ETV6: variants seen among roughly 807,000 people sequenced by gnomAD.
ETV6 encodes the protein transcription factor ETV6.
Under a neutral mutation model 51.1 loss-of-function variants are expected in ETV6, and 16 were observed. That is an observed-to-expected ratio of 0.31 (90% confidence interval 0.21 to 0.48). The LOEUF (loss-of-function observed/expected upper bound fraction) is 0.48. Among genes scored for constraint, ETV6 ranks in the 20% least tolerant of loss-of-function variants. The pLI is 0.99. For missense variants in ETV6, 458 were observed against 594.8 expected (o/e 0.77, Z 2.39); for synonymous variants, 240 against 224.1 (o/e 1.07, Z -0.64).
In ETV6 at chr12:11,744,145, G is replaced by C. The variant is rs546323780; in HGVS notation, c.34-8305G>C. ...CGTGGCAATAGTACATGCCTGGAAG[G>C]TATCTCTCATTTGGGGGGAGATTGA... On this transcript the variant is annotated intron_variant, in intron 1 of 7. Transcript: ENST00000396373. Among the ~76,000 whole-genome samples the C allele has an allele frequency of 3.3e-5, 5 of 152,282 alleles. No individual in the cohort carries two copies. In the South Asian group the frequency reaches 1.0e-3, roughly 32 times the overall value.
chr12:11,672,144 C>A (rs1278647365), intron 1 of ETV6, among the ~76,000 whole-genome samples: 1 of 151,956 alleles, frequency 6.6e-6, no homozygotes, highest in Non-Finnish European at 1.5e-5. Flanking sequence ...ACTTCTGGAC[C>A]CTTGACTACC....
intron 2 of ETV6, among the ~76,000 whole-genome samples, chr12:11,795,781 G>C (rs1345013000): frequency 6.6e-6 from 1 of 152,176 alleles, no homozygotes; most frequent in Non-Finnish European, 1.5e-5. Context: ...TGAGCAACTT[G>C]GAAGGTTGCC....
In ETV6 at chr12:11,886,012, A is replaced by G. The variant is rs1293209607; in HGVS notation, c.1239A>G (p.Gln413=). The G allele has an allele frequency of 8.7e-6, 14 of 1,613,138 alleles. No homozygotes were observed. Among genetic ancestry groups the G allele is most frequent in the Non-Finnish European group, 1.2e-5 (14 of 1,179,150 alleles). ...KLNIIRKEPG[Q]RLLFRFMKTP... is the part of the protein sequence containing the mutation. Reference sequence around the variant, plus strand: ...ACATTATCAGGAAGGAGCCAGGACAAAGGCTTTTGTTCAGGTAGCACTTCC... The same window carrying G: ...ACATTATCAGGAAGGAGCCAGGACAGAGGCTTTTGTTCAGGTAGCACTTCC... Residue 413 remains glutamine (Q), a synonymous_variant, in exon 7 of 8, where the codon CAA becomes CAG. Coordinates refer to ENST00000396373, the MANE Select transcript of ETV6 (RefSeq NM_001987.5).
At chr12:11,711,200 TC>T (rs1485153557) in intron 1 of ETV6, among the ~76,000 whole-genome samples, 7 of 152,246 alleles carry the variant, frequency 4.6e-5, no homozygotes, top group African/African-American at 1.7e-4. Flanking sequence ...GTTTTGCCTC[TC>T]CTTTCTCGTT....
At chr12:11,875,485 C>G (rs1201870837) in intron 5 of ETV6, among the ~76,000 whole-genome samples, 1 of 152,244 alleles carries the variant, frequency 6.6e-6, no homozygotes, top group Non-Finnish European at 1.5e-5. Flanking sequence ...AAAAGTTTTA[C>G]TGGCTTGTGT....
At chr12:11,761,680 C>T (rs1337285822) in intron 2 of ETV6, among the ~76,000 whole-genome samples, 2 of 152,198 alleles carry the variant, frequency 1.3e-5, no homozygotes, top group Non-Finnish European at 2.9e-5. Context: ...GGGCAGAGAA[C>T]ATGCTCTTGT....
Position 11,869,351 on chromosome 12 carries a change from TG to T in ETV6, c.464-72del. 1 of 1,410,138 alleles carries T rather than the reference TG, an allele frequency of 7.1e-7. No homozygotes were observed. The highest frequency in any genetic ancestry group is 9.7e-7 in the Non-Finnish European group (1 of 1,028,710). 87.4% of individuals were successfully genotyped at this position (1,410,138 alleles called of 1,614,324 possible). On this transcript the variant is annotated intron_variant, in intron 4 of 7. Coordinates refer to ENST00000396373, the MANE Select transcript of ETV6 (RefSeq NM_001987.5). This position sits in a 1 kb window ranked among gnomAD's most constrained non-coding sequence, Gnocchi z 5.0. ...CCTACACGCTCCTCCATTTACCGCCTGTAGAGCCGCAGGGAGTTTCCTGTCC... is the reference window on the plus strand; with the variant it reads ...CCTACACGCTCCTCCATTTACCGCCTTAGAGCCGCAGGGAGTTTCCTGTCC...
intron 1 of ETV6, among the ~76,000 whole-genome samples, chr12:11,730,218 G>A (rs1377915983): frequency 6.6e-6 from 1 of 152,214 alleles, no homozygotes; most frequent in Non-Finnish European, 1.5e-5. Flanking sequence ...CCAGCAGCAG[G>A]CCTTCAGCAA....
chr12:11,836,296 C>T (rs963187725), intron 2 of ETV6, among the ~76,000 whole-genome samples: 4 of 152,328 alleles, frequency 2.6e-5, no homozygotes, highest in African/African-American at 7.2e-5. Context: ...GCTCGGTGAA[C>T]GTGTCCACCT....
intron 3 of ETV6, among the ~76,000 whole-genome samples, chr12:11,852,764 G>C (rs1222676641): frequency 5.5e-4 from 83 of 152,124 alleles, no homozygotes; most frequent in Non-Finnish European, 1.2e-4. Flanking sequence ...AGGGAAAAGA[G>C]GATACTCAAC....
chr12:11,688,236 A>C (rs1295815914), intron 1 of ETV6, among the ~76,000 whole-genome samples: 1 of 152,206 alleles, frequency 6.6e-6, no homozygotes, highest in African/African-American at 2.4e-5. Context: ...TGGTGTATAC[A>C]GGAAAAGAGT....
intron 1 of ETV6, among the ~76,000 whole-genome samples, chr12:11,690,928 G>A (rs1381075109): frequency 1.2e-5 from 1 of 83,828 alleles, no homozygotes; most frequent in African/African-American, 3.4e-5. Context: ...AAAATAAATA[G>A]TGTAATAACC....
At chr12:11,884,357 CAGTTGCTGG>C in intron 5 of ETV6, 79 bp from the exon 6 acceptor site, 4 of 1,416,170 alleles carry the variant, frequency 2.8e-6, no homozygotes, top group Non-Finnish European at 3.9e-6. Flanking sequence ...TAGGCAGAAG[CAGTTGCTGG>C]ATTCTTTTTT....
intron 1 of ETV6, among the ~76,000 whole-genome samples, chr12:11,750,511 T>G (rs904439641): frequency 6.6e-6 from 1 of 152,232 alleles, no homozygotes; most frequent in Admixed American, 6.5e-5. Context: ...CTTGTTTTTT[T>G]CTTGCACTCA....
chr12:11,874,942 T>C (rs1291286880), intron 5 of ETV6, among the ~76,000 whole-genome samples: 4 of 150,110 alleles, frequency 2.7e-5, no homozygotes, highest in African/African-American at 9.8e-5. Context: ...ATATACCTAA[T>C]GTAAATGACG....
At chr12:11,859,875 C>G (rs1320739723) in intron 4 of ETV6, among the ~76,000 whole-genome samples, 2 of 152,196 alleles carry the variant, frequency 1.3e-5, no homozygotes, top group African/African-American at 4.8e-5. Context: ...ACATTACTGC[C>G]AAATTTGTAC....
intron 7 of ETV6, among the ~76,000 whole-genome samples, chr12:11,886,270 C>T (rs1317546418): frequency 2.6e-5 from 4 of 152,156 alleles, no homozygotes; most frequent in Admixed American, 6.5e-5. Flanking sequence ...TTTAAAATAA[C>T]GCAGTGACCA....
chr12:11,685,946 G>T (rs771845582), intron 1 of ETV6, among the ~76,000 whole-genome samples: 6 of 152,228 alleles, frequency 3.9e-5, no homozygotes, highest in Non-Finnish European at 7.3e-5. Context: ...TTAGTCCACA[G>T]TGGAAGTATT....
At position 11,800,561 on chromosome 12, in the gene ETV6, C is replaced by T. The variant is rs887882640; in HGVS notation, c.164-38579C>T. Among the ~76,000 whole-genome samples the T allele has an allele frequency of 4.6e-5, 7 of 152,196 alleles. No individual in the cohort carries two copies. In the East Asian group the frequency reaches 5.8e-4, roughly 13 times the overall value. ...ATCCTTTGACCAACACCTCCCCACCCGCATCCCTTCTTTTACTCTGCTTGA... is the reference window on the plus strand; with the variant it reads ...ATCCTTTGACCAACACCTCCCCACCTGCATCCCTTCTTTTACTCTGCTTGA... On this transcript the variant is annotated intron_variant, in intron 2 of 7. Transcript: ENST00000396373.
Sources: allele counts gnomAD v4.1 joint callset (sites outside exome capture counted in the v4.1 genomes callset), GRCh38; gene constraint gnomAD v4.1.1; non-coding constraint Gnocchi (gnomAD v3.1); transcripts MANE v1.5; gene names NCBI Gene and HGNC (gene_info 2026-07-23, HGNC 2026-07-21).